NAT2: variants seen among roughly 807,000 people sequenced by gnomAD.
NAT2 encodes N-acetyltransferase 2.
For missense variants in NAT2, 428 were observed against 339.1 expected (o/e 1.26, Z -2.06); for synonymous variants, 137 against 125.9 (o/e 1.09, Z -0.59).
chr8:18,389,900 G>A (rs187460140), upstream of NAT2, among the ~76,000 whole-genome samples: 1 of 152,192 alleles, frequency 6.6e-6, no homozygotes, highest in Non-Finnish European at 1.5e-5. Flanking sequence ...GGCTTATTTT[G>A]ATTTAGGAGA....
chr8:18,395,675 A>G (rs1452336569), intron 1 of NAT2, among the ~76,000 whole-genome samples: 1 of 152,190 alleles, frequency 6.6e-6, no homozygotes, highest in African/African-American at 2.4e-5. Flanking sequence ...TTTGAAACTT[A>G]AAACAAGTTT....
In NAT2 at chr8:18,400,106, G is replaced by A. The variant is rs752047953; in HGVS notation, c.103G>A (p.Val35Ile). 6.2e-7 allele frequency: 1 copy of A among 1,614,068 alleles called. No homozygotes were observed. The highest frequency in any genetic ancestry group is 1.1e-5 in the South Asian group (1 of 91,074). Reference sequence around the variant, plus strand: ...CATTCTTGAGCACCAGATCCGGGCTGTTCCCTTTGAGAACCTTAACATGCA... The same window carrying A: ...CATTCTTGAGCACCAGATCCGGGCTATTCCCTTTGAGAACCTTAACATGCA... ...TDILEHQIRA[V>I]PFENLNMHCG... is the part of the protein sequence containing the mutation. The change falls in exon 2 of 2, where the codon GTT becomes ATT. Residue 35 changes from valine to isoleucine, a missense_variant. Transcript: ENST00000286479.
chr8:18,395,782 C>T (rs28767024), intron 1 of NAT2, among the ~76,000 whole-genome samples: 4,005 of 152,172 alleles, frequency 0.026, 73 homozygotes, highest in African/African-American at 0.053. Flanking sequence ...ATTACAATCA[C>T]CAAACAGGTC....
chr8:18,387,484 G>C (rs7832377), upstream of NAT2: 153,580 of 154,040 alleles, frequency 1, 76,563 homozygotes, highest in East Asian at 1. Flanking sequence ...GCTCCTGCCT[G>C]TTCCTCCTCT....
At chr8:18,388,599 A>G (rs1393062460), upstream of NAT2, among the ~76,000 whole-genome samples, 2 of 152,178 alleles carry the variant, frequency 1.3e-5, no homozygotes, top group East Asian at 3.8e-4. Context: ...CTCTGCAAAA[A>G]TATAAGTTTT....
intron 1 of NAT2, among the ~76,000 whole-genome samples, chr8:18,393,008 G>C (rs1323967554): frequency 6.6e-6 from 1 of 152,016 alleles, no homozygotes; most frequent in Non-Finnish European, 1.5e-5. Flanking sequence ...AGAGGGTATG[G>C]CTGCATTAAT....
chr8:18,399,275 C>A (rs1352907746), intron 1 of NAT2, among the ~76,000 whole-genome samples: 2 of 152,164 alleles, frequency 1.3e-5, no homozygotes, highest in African/African-American at 4.8e-5. Context: ...TCTTTAACCA[C>A]CTTGTTTGAA....
upstream of NAT2, among the ~76,000 whole-genome samples, chr8:18,389,557 G>A (rs1443800845): frequency 6.6e-6 from 1 of 152,206 alleles, no homozygotes; most frequent in Non-Finnish European, 1.5e-5. Context: ...ACACAAAACT[G>A]TCAAACATTT....
intron 1 of NAT2, among the ~76,000 whole-genome samples, chr8:18,392,203 T>C (rs1800602355): frequency 6.6e-6 from 1 of 152,194 alleles, no homozygotes; most frequent in Non-Finnish European, 1.5e-5. Context: ...CAGGACCCTT[T>C]AGAGGGCCAG....
rs146801219 is a variant in NAT2 at position 18,400,874 on chromosome 8, T to C, written c.871T>C (p.Ter291GlnextTer16). The C allele has an allele frequency of 6.3e-7, 1 of 1,575,122 alleles. No homozygotes were observed. The highest frequency in any genetic ancestry group is 8.6e-7 in the Non-Finnish European group (1 of 1,166,036). The change falls in exon 2 of 2, where the codon TAG becomes CAG. Residue 291 changes from the stop codon to glutamine (Q), a stop_lost. Coordinates refer to ENST00000286479, the MANE Select transcript of NAT2 (RefSeq NM_000015.3). ...PKPGDGSLTI* is the reference protein window; with the variant it reads ...PKPGDGSLTIQ ...ACCTGGTGATGGATCCCTTACTATT[T>C]AGAATAAGGAACAAAATAAACCCTT... is the stretch of plus-strand genomic sequence containing the variant.
chr8:18,400,443 C>T lies in NAT2; in HGVS notation c.440C>T (p.Pro147Leu), dbSNP rs1800770835. The change falls in exon 2 of 2, where the codon CCT becomes CTT. Residue 147 changes from proline (P) to leucine (L), a missense_variant. Transcript: ENST00000286479. The stretch of plus-strand genomic sequence containing the variant: ...TCTGGGAAGGATCAGCCTCAGGTGC[C>T]TTGCATTTTCTGCTTGACAGAAGAG... ...LISGKDQPQVPCIFCLTEERG... is the reference protein window; with the variant it reads ...LISGKDQPQVLCIFCLTEERG... 2 of 1,613,616 alleles carry T rather than the reference C, an allele frequency of 1.2e-6. No homozygotes were observed. The highest frequency in any genetic ancestry group is 2.7e-5 in the African/African-American group (2 of 74,808).
chr8:18,398,626 A>G (rs537253544), intron 1 of NAT2, among the ~76,000 whole-genome samples: 3 of 152,260 alleles, frequency 2.0e-5, no homozygotes, highest in African/African-American at 7.2e-5. Context: ...GAAACTTCCT[A>G]TGCTGGTACT....
At chr8:18,391,910 G>A (rs780945925) in intron 1 of NAT2, among the ~76,000 whole-genome samples, 9 of 152,176 alleles carry the variant, frequency 5.9e-5, no homozygotes, top group Non-Finnish European at 8.8e-5. Context: ...GTTCCCATAA[G>A]CCCTTTTAAC....
At position 18,400,021 on chromosome 8, in the gene NAT2, T is replaced by C; in HGVS notation, c.18T>C (p.Tyr6=). ...AGGGGATCATGGACATTGAAGCATATTTTGAAAGAATTGGCTATAAGAACT... is the reference window on the plus strand; with the variant it reads ...AGGGGATCATGGACATTGAAGCATACTTTGAAAGAATTGGCTATAAGAACT... The part of the protein sequence containing the change: MDIEA[Y]FERIGYKNSR... The change falls in exon 2 of 2, where the codon TAT becomes TAC. Residue 6 remains tyrosine, a synonymous_variant. Transcript: ENST00000286479. 1 of 1,590,054 alleles carries C rather than the reference T, an allele frequency of 6.3e-7. No homozygotes were observed. Among genetic ancestry groups the C allele is most frequent in the East Asian group, 2.2e-5 (1 of 44,570 alleles).
In NAT2 at chr8:18,400,604, G is replaced by A. The variant is rs750343726; in HGVS notation, c.601G>A (p.Asp201Asn). 1 of 1,613,622 alleles carries A rather than the reference G, an allele frequency of 6.2e-7. No homozygotes were observed. The highest frequency in any genetic ancestry group is 8.5e-7 in the Non-Finnish European group (1 of 1,179,910). Residue 201 changes from aspartate (D) to asparagine (N), a missense_variant, in exon 2 of 2, where the codon GAT becomes AAT. Physicochemically the swap from Asp to Asn is conservative, Grantham distance 23. Transcript: ENST00000286479. ...TACGCTTGAACCTCGAACAATTGAA[G>A]ATTTTGAGTCTATGAATACATACCT... ...LFTLEPRTIE[D>N]FESMNTYLQT...
At chr8:18,396,787 A>G (rs1186380813) in intron 1 of NAT2, among the ~76,000 whole-genome samples, 4 of 152,224 alleles carry the variant, frequency 2.6e-5, no homozygotes, top group African/African-American at 9.6e-5. Flanking sequence ...TTTAACATTA[A>G]GGTTTATACT....
upstream of NAT2, among the ~76,000 whole-genome samples, chr8:18,386,937 T>C (rs556359159): frequency 3.3e-5 from 5 of 152,278 alleles, no homozygotes; most frequent in African/African-American, 1.2e-4. Flanking sequence ...CCCTTTCACA[T>C]GGAGAAGCCG....
intron 1 of NAT2, among the ~76,000 whole-genome samples, chr8:18,398,604 C>T (rs867867000): frequency 6.6e-6 from 1 of 152,202 alleles, no homozygotes; most frequent in African/African-American, 2.4e-5. Context: ...TTAAAGTCTT[C>T]GACGAAACCA....
At chr8:18,394,171 T>C (rs924137667) in intron 1 of NAT2, among the ~76,000 whole-genome samples, 2 of 152,126 alleles carry the variant, frequency 1.3e-5, no homozygotes, top group Non-Finnish European at 2.9e-5. Flanking sequence ...AGGGGAGCTA[T>C]TGAGCCAGGA....
Sources: gnomAD v4.1 joint callset for allele counts (sites outside exome capture counted in the v4.1 genomes callset) on GRCh38, gnomAD v4.1.1 for gene constraint, MANE v1.5 for transcripts, NCBI Gene and HGNC (gene_info 2026-07-23, HGNC 2026-07-21) for gene names.